The following ZFAND3 variants were observed in gnomAD, a reference collection of about 807,000 sequenced individuals.
ZFAND3 encodes the protein zinc finger AN1-type containing 3, also known as AN1-type zinc finger protein 3.
A neutral mutation model predicts 29.6 loss-of-function variants in ZFAND3; 10 were observed. The ratio of observed to expected loss-of-function variants is 0.34; its 90% CI spans 0.21 to 0.57. The LOEUF is 0.57. Among genes scored for constraint, ZFAND3 ranks in the 20% least tolerant of loss-of-function variants. The probability of loss-of-function intolerance (pLI) is 0.86; values close to 1 mark genes in which losing one functional copy is unlikely to be tolerated. For synonymous variants in ZFAND3, 128 were observed against 112.6 expected (o/e 1.14, Z -0.87); for missense variants, 230 against 304.5 (o/e 0.76, Z 1.82).
chr6:37,889,673 TTGG>T (rs1219539898), intron 1 of ZFAND3, among the ~76,000 whole-genome samples: 4 of 152,212 alleles, frequency 2.6e-5, no homozygotes, highest in African/African-American at 4.8e-5. Context: ...ATGACTCCTC[TTGG>T]TGAGTCCTGG....
At chr6:37,830,539 C>T (rs894132755) in intron 1 of ZFAND3, among the ~76,000 whole-genome samples, 8 of 152,204 alleles carry the variant, frequency 5.3e-5, no homozygotes, top group Non-Finnish European at 1.2e-4. Context: ...GTGGAAATAG[C>T]AGCAGCTTTC....
chr6:38,103,825 TCTTAA>T (rs2127479244), intron 4 of ZFAND3, among the ~76,000 whole-genome samples: 1 of 152,324 alleles, frequency 6.6e-6, no homozygotes, highest in South Asian at 2.1e-4. Context: ...GTCTGTTTTG[TCTTAA>T]CTTAGAGTAC....
chr6:38,097,859 G>T (rs1765013015), intron 4 of ZFAND3, among the ~76,000 whole-genome samples: 1 of 152,194 alleles, frequency 6.6e-6, no homozygotes, highest in Non-Finnish European at 1.5e-5. Context: ...AGGCCAGTCA[G>T]ATTGGAGAAT....
chr6:38,005,215 T>C (rs1354543678), intron 2 of ZFAND3, among the ~76,000 whole-genome samples: 4 of 152,220 alleles, frequency 2.6e-5, no homozygotes, highest in Admixed American at 2.0e-4. Context: ...TGGTTTTATA[T>C]TGGGCTCTGT....
At chr6:38,116,773 A>C (rs775601627) in intron 5 of ZFAND3, 34 bp downstream of exon 5, 2 of 1,603,382 alleles carry the variant, frequency 1.2e-6, no homozygotes, top group East Asian at 4.5e-5. Context: ...GATGGAGACT[A>C]TATCCTTAAC....
rs116604897 is a variant in ZFAND3 at position 37,828,186 on chromosome 6, A to G, written c.71+8170A>G. 3.1e-3 allele frequency among the ~76,000 whole-genome samples: 470 copies of G among 152,324 alleles called. 3 individuals carry two copies. Among genetic ancestry groups the G allele is most frequent in the African/African-American group, 0.011 (448 of 41,570 alleles). On this transcript the variant is annotated intron_variant, in intron 1 of 5. Coordinates refer to ENST00000287218, the MANE Select transcript of ZFAND3 (RefSeq NM_021943.3). ...ATTCTGACCGTTCAAGAATATCACA[A>G]ACACTCTTCCTGTAGTCAGCTTCTT...
intron 2 of ZFAND3, among the ~76,000 whole-genome samples, chr6:38,043,900 C>G (rs992317856): frequency 3.3e-5 from 5 of 152,132 alleles, no homozygotes. Context: ...ACCTTGACCT[C>G]CCAAAGTGCT....
chr6:37,933,883 A>AT (rs58837762), intron 2 of ZFAND3, among the ~76,000 whole-genome samples: 30,381 of 116,440 alleles, frequency 0.26, 4,880 homozygotes, highest in Admixed American at 0.35. Context: ...TCTCTCTCTC[A>AT]TTTTTTTTTT....
In ZFAND3 at chr6:38,082,410, C is replaced by A; in HGVS notation, c.314C>A (p.Thr105Lys). ...SKEECGPCTD[T>K]AHVSLITPTK... ...TTTCTAGGTGGGCCATGCACAGACACAGCTCATGTCTCATTAATCACACCA... is the reference window on the plus strand; with the variant it reads ...TTTCTAGGTGGGCCATGCACAGACAAAGCTCATGTCTCATTAATCACACCA... The change falls in exon 4 of 6, where the codon ACA (threonine) becomes AAA (lysine). Residue 105 changes from threonine (T) to lysine (K), a missense_variant. By Grantham distance (78) the Thr-to-Lys change is moderately conservative. Around this residue, in one of 2 missense-constraint regions of ZFAND3, gnomAD observed 180 missense variants for 202.5 expected, o/e 0.89. Transcript: ENST00000287218. 3 of 1,612,212 alleles carry A rather than the reference C, an allele frequency of 1.9e-6. No homozygotes were observed. Among genetic ancestry groups the A allele is most frequent in the Non-Finnish European group, 2.5e-6 (3 of 1,178,956 alleles).
intron 4 of ZFAND3, among the ~76,000 whole-genome samples, chr6:38,086,071 G>A (rs1764749826): frequency 6.6e-6 from 1 of 152,172 alleles, no homozygotes; most frequent in Non-Finnish European, 1.5e-5. Flanking sequence ...AAATGAGAGA[G>A]GCAGCTCTTT....
At chr6:37,899,686 C>G (rs1479407332) in intron 1 of ZFAND3, among the ~76,000 whole-genome samples, 1 of 152,152 alleles carries the variant, frequency 6.6e-6, no homozygotes, top group Non-Finnish European at 1.5e-5. Flanking sequence ...TTGCATATTT[C>G]AAATAAAATT....
At chr6:37,907,608 A>G (rs948290488) in intron 1 of ZFAND3, among the ~76,000 whole-genome samples, 1 of 152,132 alleles carries the variant, frequency 6.6e-6, no homozygotes, top group Non-Finnish European at 1.5e-5. Flanking sequence ...ATAATACCAC[A>G]TTGTGTTTAT....
chr6:37,917,951 AT>A (rs1658844633), intron 1 of ZFAND3, among the ~76,000 whole-genome samples: 1 of 152,136 alleles, frequency 6.6e-6, no homozygotes, highest in Admixed American at 6.5e-5. Flanking sequence ...TTTTTCTTAT[AT>A]GTGCATATTG....
At chr6:37,966,987 TA>T (rs1762303762) in intron 2 of ZFAND3, among the ~76,000 whole-genome samples, 1 of 152,190 alleles carries the variant, frequency 6.6e-6, no homozygotes, top group Admixed American at 6.5e-5. Context: ...GAATATCATG[TA>T]AATTATGTTG....
chr6:37,916,224 C>T (rs1365990015), intron 1 of ZFAND3, among the ~76,000 whole-genome samples: 2 of 152,048 alleles, frequency 1.3e-5, no homozygotes, highest in Non-Finnish European at 2.9e-5. Context: ...TGAAATATTG[C>T]AAACCTTATC....
intron 4 of ZFAND3, chr6:38,088,223 GTT>G (rs1261837194): frequency 6.6e-6 from 1 of 152,098 alleles, no homozygotes; most frequent in African/African-American, 2.4e-5. Context: ...TTTTTTATCT[GTT>G]CCATCATTTG....
intron 2 of ZFAND3, among the ~76,000 whole-genome samples, chr6:38,040,813 T>C (rs2127455411): frequency 6.6e-6 from 1 of 152,334 alleles, no homozygotes; most frequent in Middle Eastern, 3.4e-3. Flanking sequence ...AACAAGGACA[T>C]TCTCTTAATT....
chr6:37,919,670 A>G (rs961294795), intron 1 of ZFAND3, among the ~76,000 whole-genome samples: 3 of 152,192 alleles, frequency 2.0e-5, no homozygotes, highest in Non-Finnish European at 4.4e-5. Context: ...TCTTCCTCAC[A>G]TTTCAAGGCT....
intron 1 of ZFAND3, among the ~76,000 whole-genome samples, chr6:37,897,810 T>G (rs1330211423): frequency 1.3e-5 from 2 of 152,214 alleles, no homozygotes; most frequent in African/African-American, 4.8e-5. Flanking sequence ...AAGTCTTTTG[T>G]CCAATTTAAA....
Sources: gnomAD v4.1 joint callset for allele counts (sites outside exome capture counted in the v4.1 genomes callset) on GRCh38, gnomAD v4.1.1 for gene constraint, gnomAD v4.1.1 regional missense constraint, MANE v1.5 for transcripts, NCBI Gene and HGNC (gene_info 2026-07-23, HGNC 2026-07-21) for gene names.